MAD1L1: variants seen among roughly 807,000 people sequenced by gnomAD.
MAD1L1 encodes mitotic arrest deficient 1 like 1.
MAD1L1 carries 95 observed loss-of-function variants against 96.9 expected under a neutral mutation model. The ratio of observed to expected loss-of-function variants is 0.98; its 90% CI spans 0.83 to 1.16. The LOEUF is 1.16. MAD1L1 is among the 50% of genes most tolerant of loss of function. The probability of loss-of-function intolerance (pLI) is 0.00; values close to 1 mark genes in which losing one functional copy is unlikely to be tolerated. For synonymous variants in MAD1L1, 473 were observed against 396.6 expected (o/e 1.19, Z -2.29); for missense variants, 1,007 against 954.4 (o/e 1.06, Z -0.73).
At chr7:2,099,354 C>T (rs540152770) in intron 11 of MAD1L1, among the ~76,000 whole-genome samples, 1 of 152,352 alleles carries the variant, frequency 6.6e-6, no homozygotes, top group African/African-American at 2.4e-5. Context: ...TTCCCGCAGC[C>T]CCTGCCGCCT....
At chr7:2,215,628 C>T (rs1793226947) in intron 9 of MAD1L1, among the ~76,000 whole-genome samples, 1 of 152,114 alleles carries the variant, frequency 6.6e-6, no homozygotes, top group Non-Finnish European at 1.5e-5. Context: ...TCTGAGCCCC[C>T]AGGATGGCCC....
At chr7:1,950,613 C>A (rs1042087650) in intron 16 of MAD1L1, among the ~76,000 whole-genome samples, 1 of 152,206 alleles carries the variant, frequency 6.6e-6, no homozygotes, top group African/African-American at 2.4e-5. Flanking sequence ...CAGTCGACCC[C>A]ACACGGGAGC....
rs554590904 is a variant in MAD1L1 at position 1,911,335 on chromosome 7, G to A, written c.1808-12945C>T. 4.6e-5 allele frequency among the ~76,000 whole-genome samples: 7 copies of A among 152,224 alleles called. No individual in the cohort carries two copies. The South Asian group carries it at 1.0e-3, about 23-fold the overall frequency. ...TCTCCCTCCTCCTCAGGCCCCAGGG[G>A]TCTTTCTTTTGACGCAGAGCCCAGC... On this transcript the variant is annotated intron_variant, in intron 17 of 18. Transcript: ENST00000265854.
intron 14 of MAD1L1, among the ~76,000 whole-genome samples, chr7:1,988,260 TCACCTCCCA>T (rs1213305866): frequency 6.6e-6 from 1 of 152,048 alleles, no homozygotes; most frequent in East Asian, 1.9e-4. Context: ...AGAGCAAGAC[TCACCTCCCA>T]CACCTCCCAG....
chr7:2,047,786 C>T (rs1032993870), intron 12 of MAD1L1, among the ~76,000 whole-genome samples: 7 of 152,082 alleles, frequency 4.6e-5, no homozygotes, highest in African/African-American at 2.4e-5. Context: ...TCTGCAGACA[C>T]ATGCACACTC....
chr7:2,140,098 T>C (rs1324713593), intron 11 of MAD1L1, among the ~76,000 whole-genome samples: 1 of 151,710 alleles, frequency 6.6e-6, no homozygotes, highest in Non-Finnish European at 1.5e-5. Context: ...TGCATCCTTC[T>C]GTGACCTGTG....
intron 12 of MAD1L1, among the ~76,000 whole-genome samples, chr7:2,028,398 C>A (rs928860030): frequency 1.7e-4 from 24 of 143,878 alleles, no homozygotes; most frequent in African/African-American, 5.8e-4. Flanking sequence ...GCACTCCAGC[C>A]TGGGCGACAG....
chr7:1,918,468 G>A (rs1788559637), intron 17 of MAD1L1, among the ~76,000 whole-genome samples: 1 of 152,124 alleles, frequency 6.6e-6, no homozygotes, highest in Admixed American at 6.5e-5. Flanking sequence ...CCTCCGCACT[G>A]CCCAGGAGCT....
intron 10 of MAD1L1, among the ~76,000 whole-genome samples, chr7:2,153,066 A>G (rs77681444): frequency 3.5e-4 from 54 of 152,242 alleles, no homozygotes; most frequent in African/African-American, 1.3e-3. Flanking sequence ...GAAACCTAAG[A>G]CCCAAAAATA....
chr7:1,992,265 G>A (rs1487190129), intron 14 of MAD1L1, among the ~76,000 whole-genome samples: 3 of 152,198 alleles, frequency 2.0e-5, no homozygotes, highest in African/African-American at 4.8e-5. Context: ...TTACACTCAC[G>A]GAGGAGCGTT....
chr7:1,824,313 C>A (rs1209249183), intron 18 of MAD1L1, among the ~76,000 whole-genome samples: 2 of 151,710 alleles, frequency 1.3e-5, no homozygotes. Context: ...TCGGCTTGGC[C>A]ACCAGGAAGC....
intron 18 of MAD1L1, among the ~76,000 whole-genome samples, chr7:1,850,608 G>A (rs550998696): frequency 1.5e-4 from 23 of 152,306 alleles, no homozygotes; most frequent in Admixed American, 3.3e-4. Context: ...GGCCTGGGCC[G>A]GAGAAGGCAC....
Position 1,922,541 on chromosome 7 carries a change from G to A in MAD1L1, c.1807+14146C>T, listed in dbSNP as rs182721612. On this transcript the variant is annotated intron_variant, in intron 17 of 18. Transcript: ENST00000265854. Reference sequence around the variant, plus strand: ...ACAGAAATCCCGGGTGAACTCGCTCGACTCGTTTTTATCTTGTGATTTTCG... The same window carrying A: ...ACAGAAATCCCGGGTGAACTCGCTCAACTCGTTTTTATCTTGTGATTTTCG... 5.3e-5 allele frequency among the ~76,000 whole-genome samples: 8 copies of A among 152,302 alleles called. No homozygotes were observed. The East Asian group carries it at 1.2e-3, about 22-fold the overall frequency.
rs1270380586 is a variant in MAD1L1, at chr7:1,832,661, G to A, written c.1999-16433C>T. Among the ~76,000 whole-genome samples the A allele has an allele frequency of 2.6e-4, 17 of 65,662 alleles. 1 individual carries two copies. The highest frequency in any genetic ancestry group is 9.2e-4 in the Admixed American group (5 of 5,438). 43.1% of individuals were successfully genotyped at this position (65,662 alleles called of 152,430 possible). A position where few individuals can be genotyped will look rare whatever the true frequency, so the allele number is the denominator to read the frequency against. ...GGGGGGGGGGGGTGGGGATGGAGTC[G>A]TGCTCTGTTGCCCAGGCTGGAGTGC... On this transcript the variant is annotated intron_variant, in intron 18 of 18. Coordinates refer to ENST00000265854, the MANE Select transcript of MAD1L1 (RefSeq NM_001013836.2).
chr7:1,913,589 A>G (rs1368117712), intron 17 of MAD1L1, among the ~76,000 whole-genome samples: 1 of 152,074 alleles, frequency 6.6e-6, no homozygotes, highest in African/African-American at 2.4e-5. Flanking sequence ...GGGACCTCGC[A>G]GGGGCTCTGG....
chr7:2,000,560 C>A (rs968125028), intron 14 of MAD1L1, among the ~76,000 whole-genome samples: 4 of 152,166 alleles, frequency 2.6e-5, no homozygotes, highest in African/African-American at 7.2e-5. Context: ...CAGTCGGGTC[C>A]CCCAGGCTTG....
At chr7:2,073,852 C>T (rs930725642) in intron 11 of MAD1L1, among the ~76,000 whole-genome samples, 6 of 152,272 alleles carry the variant, frequency 3.9e-5, no homozygotes, top group Admixed American at 2.0e-4. Context: ...CACACATTCC[C>T]GGCTGAGGGA....
chr7:2,176,572 A>T (rs771471376), intron 10 of MAD1L1, among the ~76,000 whole-genome samples: 7 of 151,986 alleles, frequency 4.6e-5, no homozygotes, highest in Non-Finnish European at 8.8e-5. Flanking sequence ...AAAAAGCCTA[A>T]GGAATCTTAA....
chr7:1,972,690 T>C (rs1780459687), intron 15 of MAD1L1, among the ~76,000 whole-genome samples: 1 of 152,204 alleles, frequency 6.6e-6, no homozygotes, highest in South Asian at 2.1e-4. Flanking sequence ...CTCATGTTAT[T>C]TCCTTCATCC....
Sources: allele counts gnomAD v4.1 joint callset (sites outside exome capture counted in the v4.1 genomes callset), GRCh38; gene constraint gnomAD v4.1.1; transcripts MANE v1.5; gene names NCBI Gene and HGNC (gene_info 2026-07-23, HGNC 2026-07-21).